Variants in CEP128 observed in about 807,000 individuals in gnomAD.
The protein encoded by CEP128 is centrosomal protein 128kDa.
In CEP128, 132 loss-of-function variants were observed where a neutral mutation model predicts 156.7. The ratio of observed to expected loss-of-function variants is 0.84; its 90% CI spans 0.73 to 0.97. The LOEUF (loss-of-function observed/expected upper bound fraction) is 0.97, where lower values mean the gene tolerates loss of function less well. Among genes scored for constraint, CEP128 ranks in the 50% least tolerant of loss-of-function variants. The probability of loss-of-function intolerance (pLI) is 0.00; values close to 1 mark genes in which losing one functional copy is unlikely to be tolerated. For missense variants in CEP128, 1,252 were observed against 1,281.9 expected (o/e 0.98, Z 0.36); for synonymous variants, 469 against 448.9 (o/e 1.04, Z -0.57).
At chr14:80,771,113 C>T (rs560248075) in intron 16 of CEP128, among the ~76,000 whole-genome samples, 76 of 152,226 alleles carry the variant, frequency 5.0e-4, no homozygotes, top group South Asian at 8.3e-4. Context: ...CTCACAGATA[C>T]GTTTTATGTG....
At chr14:80,738,560 C>T (rs1294684821) in intron 19 of CEP128, among the ~76,000 whole-genome samples, 3 of 152,118 alleles carry the variant, frequency 2.0e-5, no homozygotes, top group Admixed American at 2.0e-4. Flanking sequence ...AAATCTAAGT[C>T]ATACAGTTTC....
At position 80,657,244 on chromosome 14, in the gene CEP128, C is replaced by T. The variant is rs187744125; in HGVS notation, c.2807-76821G>A. Among the ~76,000 whole-genome samples, 389 of 149,098 alleles carry T rather than the reference C, an allele frequency of 2.6e-3. 1 individual carries two copies. The highest frequency in any genetic ancestry group is 8.8e-3 in the African/African-American group (358 of 40,470). On this transcript the variant is annotated intron_variant, in intron 19 of 24. Coordinates refer to ENST00000555265, the MANE Select transcript of CEP128 (RefSeq NM_152446.5). ...TGCGCTCCAGCCTGGGCAATAGAGC[C>T]AGACTCTATCTCAAAAAAAAAAATT...
chr14:80,672,934 T>C (rs1401277409), intron 19 of CEP128, among the ~76,000 whole-genome samples: 1 of 152,224 alleles, frequency 6.6e-6, no homozygotes, highest in Admixed American at 6.5e-5. Context: ...TCCAATCTTT[T>C]TATAAAAATA....
At chr14:80,738,542 G>C (rs1205486565) in intron 19 of CEP128, among the ~76,000 whole-genome samples, 2 of 152,036 alleles carry the variant, frequency 1.3e-5, no homozygotes, top group Non-Finnish European at 2.9e-5. Context: ...CCTATTTTTA[G>C]ATAGAAAAAA....
At chr14:80,944,545 A>G (rs11845556), upstream of CEP128, among the ~76,000 whole-genome samples, 10,069 of 152,192 alleles carry the variant, frequency 0.066, 1,113 homozygotes, top group African/African-American at 0.23. Context: ...TTCCTTTGCC[A>G]GGTGCGGTGG....
At chr14:80,704,962 C>A (rs1897192710) in intron 19 of CEP128, among the ~76,000 whole-genome samples, 1 of 152,014 alleles carries the variant, frequency 6.6e-6, no homozygotes, top group South Asian at 2.1e-4. Flanking sequence ...GTATCCAAAG[C>A]CACTTAACCA....
At chr14:80,601,944 C>A (rs1050851597) in intron 19 of CEP128, among the ~76,000 whole-genome samples, 1 of 152,030 alleles carries the variant, frequency 6.6e-6, no homozygotes, top group East Asian at 1.9e-4. Flanking sequence ...TTTATAAATG[C>A]ATATAATTCA....
intron 13 of CEP128, among the ~76,000 whole-genome samples, chr14:80,802,647 T>C (rs932525821): frequency 4.0e-5 from 6 of 151,750 alleles, no homozygotes; most frequent in African/African-American, 1.5e-4. Context: ...TCTGCACATG[T>C]ATCCCGTTTT....
chr14:80,904,375 G>A (rs941508421), intron 6 of CEP128, among the ~76,000 whole-genome samples: 3 of 151,994 alleles, frequency 2.0e-5, no homozygotes, highest in African/African-American at 7.2e-5. Context: ...GGGAGTTGTT[G>A]ATCAAACAGT....
intron 19 of CEP128, among the ~76,000 whole-genome samples, chr14:80,695,857 A>G (rs750471261): frequency 2.0e-5 from 3 of 152,146 alleles, no homozygotes; most frequent in Non-Finnish European, 4.4e-5. Context: ...ATATAACATT[A>G]CCTCTTATGC....
chr14:80,654,822 T>C (rs1450546427), intron 19 of CEP128, among the ~76,000 whole-genome samples: 2 of 152,238 alleles, frequency 1.3e-5, no homozygotes, highest in East Asian at 3.9e-4. Context: ...AAATCTCTAA[T>C]CTTCATCTAA....
intron 9 of CEP128, among the ~76,000 whole-genome samples, chr14:80,844,174 TTAAG>T (rs942123034): frequency 2.0e-5 from 3 of 151,842 alleles, no homozygotes; most frequent in African/African-American, 7.2e-5. Context: ...CAAAAAAAAA[TTAAG>T]TTTCTTTTCA....
At chr14:80,656,601 G>C (rs1049500078) in intron 19 of CEP128, among the ~76,000 whole-genome samples, 1 of 151,856 alleles carries the variant, frequency 6.6e-6, no homozygotes, top group Admixed American at 6.6e-5. Context: ...GTTCTAAGTT[G>C]CCTCTGGAGA....
intron 18 of CEP128, among the ~76,000 whole-genome samples, chr14:80,746,823 T>C (rs1430337123): frequency 1.3e-5 from 2 of 152,164 alleles, no homozygotes; most frequent in Non-Finnish European, 2.9e-5. Context: ...TGGCAGAAAA[T>C]ATTTGCAACT....
chr14:80,644,466 G>A (rs1894554565), intron 19 of CEP128, among the ~76,000 whole-genome samples: 1 of 152,126 alleles, frequency 6.6e-6, no homozygotes, highest in Admixed American at 6.5e-5. Flanking sequence ...ACTATCAGGA[G>A]AAATATATTC....
chr14:80,578,737 A>C (rs908944844), intron 20 of CEP128, among the ~76,000 whole-genome samples: 37 of 152,196 alleles, frequency 2.4e-4, no homozygotes, highest in Admixed American at 2.0e-3. Context: ...GAATATAGGC[A>C]CTTTTCCAAG....
intron 19 of CEP128, among the ~76,000 whole-genome samples, chr14:80,612,595 C>A (rs1233563354): frequency 6.6e-6 from 1 of 152,144 alleles, no homozygotes; most frequent in Non-Finnish European, 1.5e-5. Flanking sequence ...CTTAATAATA[C>A]TACACATCTT....
At chr14:80,657,081 A>T (rs999750389) in intron 19 of CEP128, among the ~76,000 whole-genome samples, 4 of 152,046 alleles carry the variant, frequency 2.6e-5, no homozygotes, top group African/African-American at 9.7e-5. Context: ...AAGATGGTGA[A>T]ACCCCGTCAC....
At chr14:80,927,530 C>T (rs1185499112) in intron 2 of CEP128, among the ~76,000 whole-genome samples, 1 of 152,152 alleles carries the variant, frequency 6.6e-6, no homozygotes, top group Non-Finnish European at 1.5e-5. Flanking sequence ...AGTCACAGTC[C>T]GCCTCTACAT....
Sources: gnomAD v4.1 joint callset for allele counts (sites outside exome capture counted in the v4.1 genomes callset) on GRCh38, gnomAD v4.1.1 for gene constraint, MANE v1.5 for transcripts, NCBI Gene and HGNC (gene_info 2026-07-23, HGNC 2026-07-21) for gene names.